The following MSH3 variants were observed in gnomAD, a reference collection of about 807,000 sequenced individuals.
MSH3 encodes the protein mutS homolog 3, also known as DNA mismatch repair protein Msh3.
A neutral mutation model predicts 123.3 loss-of-function variants in MSH3; 106 were observed. The ratio of observed to expected loss-of-function variants is 0.86; its 90% CI spans 0.73 to 1.01. The LOEUF is 1.01. Ranked by LOEUF, MSH3 falls within the 50% of genes least tolerant of loss-of-function variation. MSH3 has a pLI of 0.00. For synonymous variants in MSH3, 515 were observed against 481.4 expected (o/e 1.07, Z -0.91); for missense variants, 1,459 against 1,347.6 (o/e 1.08, Z -1.29).
intron 20 of MSH3, among the ~76,000 whole-genome samples, chr5:80,851,324 G>C (rs148152826): frequency 1.3e-5 from 2 of 151,904 alleles, no homozygotes; most frequent in Non-Finnish European, 2.9e-5. Flanking sequence ...CCCTTTCCCC[G>C]CAGCACTCTT....
chr5:80,802,807 A>G (rs550932060), intron 19 of MSH3, among the ~76,000 whole-genome samples: 7 of 152,322 alleles, frequency 4.6e-5, no homozygotes, highest in Non-Finnish European at 1.0e-4. Context: ...TCCCACAAAG[A>G]AGTGAGAACA....
At chr5:80,864,631 G>A (rs1382867884) in intron 21 of MSH3, among the ~76,000 whole-genome samples, 182 bp from the exon 22 acceptor site, 1 of 152,070 alleles carries the variant, frequency 6.6e-6, no homozygotes, top group African/African-American at 2.4e-5. Context: ...GGAAGAAGAA[G>A]GGAAATATGG....
At chr5:80,655,071 A>G in intron 1 of MSH3, 107 bp downstream of exon 1, 1 of 640,278 alleles carries the variant, frequency 1.6e-6, no homozygotes, top group South Asian at 2.4e-5. Context: ...GGGCTGGAGG[A>G]GGAAGGGGCG....
chr5:80,778,960 T>C (rs1237779999), intron 17 of MSH3, 124 bp downstream of exon 17: 20 of 645,306 alleles, frequency 3.1e-5, no homozygotes, highest in Non-Finnish European at 4.9e-5. Flanking sequence ...GTTGAGTACA[T>C]GTGTTCTCTG....
At chr5:80,728,801 G>T (rs2112857740) in intron 9 of MSH3, 50 bp from the exon 10 acceptor site, 2 of 989,712 alleles carry the variant, frequency 2.0e-6, no homozygotes, top group South Asian at 2.8e-5. Context: ...TTTTTAATTT[G>T]ATTAATTTAA....
chr5:80,842,592 G>A lies in MSH3; in HGVS notation c.2814-11538G>A, dbSNP rs930727139. 2.4e-4 allele frequency among the ~76,000 whole-genome samples: 37 copies of A among 152,036 alleles called. 1 individual carries two copies. The highest frequency in any genetic ancestry group is 1.3e-4 in the Admixed American group (2 of 15,278). On this transcript the variant is annotated intron_variant, in intron 20 of 23. Coordinates refer to ENST00000265081, the MANE Select transcript of MSH3 (RefSeq NM_002439.5). ...GTCCTCTTTTATTTCGTTGAGCAGC[G>A]GTTTGTAGTTCTCCTTGAAGAGGTC... is the stretch of plus-strand genomic sequence containing the variant.
intron 6 of MSH3, 44 bp downstream of exon 6, chr5:80,672,902 G>A (rs1384886501): frequency 7.0e-7 from 1 of 1,418,812 alleles, no homozygotes; most frequent in Non-Finnish European, 1.0e-6. Context: ...TGATACAAGG[G>A]CTTTGTTGGC....
chr5:80,730,178 A>G (rs575684673), intron 10 of MSH3, among the ~76,000 whole-genome samples: 205 of 152,348 alleles, frequency 1.3e-3, no homozygotes, highest in African/African-American at 4.7e-3. Context: ...AATGTTATAT[A>G]GCAGTGAAAA....
At chr5:80,699,186 T>A (rs1750551299) in intron 8 of MSH3, among the ~76,000 whole-genome samples, 1 of 152,198 alleles carries the variant, frequency 6.6e-6, no homozygotes, top group Non-Finnish European at 1.5e-5. Context: ...AAATAAGTGA[T>A]GTTTAGAATA....
At chr5:80,690,353 A>C (rs1325410475) in intron 8 of MSH3, among the ~76,000 whole-genome samples, 1 of 151,836 alleles carries the variant, frequency 6.6e-6, no homozygotes, top group Non-Finnish European at 1.5e-5. Flanking sequence ...TGTCACCCAG[A>C]CTGGAGTGCA....
At chr5:80,729,460 G>GTGTGTGTGTA (rs1277559108) in intron 10 of MSH3, among the ~76,000 whole-genome samples, 519 of 94,988 alleles carry the variant, frequency 5.5e-3, no homozygotes, top group Non-Finnish European at 7.4e-3. Flanking sequence ...GTGTGTGTGT[G>GTGTGTGTGTA]TATATATATA....
chr5:80,835,842 G>C (rs1174459773), intron 20 of MSH3, among the ~76,000 whole-genome samples: 1 of 152,036 alleles, frequency 6.6e-6, no homozygotes, highest in African/African-American at 2.4e-5. Flanking sequence ...TTGAACCCTG[G>C]AGGTAGAGGT....
chr5:80,755,233 G>T (rs922858545), intron 12 of MSH3, among the ~76,000 whole-genome samples: 2 of 152,184 alleles, frequency 1.3e-5, no homozygotes, highest in African/African-American at 4.8e-5. Context: ...CTTACTGTTT[G>T]TCCCGACTGT....
chr5:80,852,278 T>G (rs1489874931), intron 20 of MSH3, among the ~76,000 whole-genome samples: 1 of 152,160 alleles, frequency 6.6e-6, no homozygotes, highest in East Asian at 1.9e-4. Context: ...TGAGCTGTTA[T>G]CACTGCCACT....
chr5:80,859,163 C>A (rs1223277908), intron 21 of MSH3, among the ~76,000 whole-genome samples: 1 of 152,078 alleles, frequency 6.6e-6, no homozygotes, highest in African/African-American at 2.4e-5. Context: ...CTCTGTCACC[C>A]AGGCTGGAGT....
At chr5:80,762,825 G>GTTATGTTATTTTATGTTATT (rs1554072043) in intron 13 of MSH3, among the ~76,000 whole-genome samples, 25 of 140,508 alleles carry the variant, frequency 1.8e-4, no homozygotes, top group South Asian at 1.4e-3. Context: ...GTTATGTTAT[G>GTTATGTTATTTTATGTTATT]TTATGTTATT....
chr5:80,809,265 C>A (rs1483479751), intron 19 of MSH3, among the ~76,000 whole-genome samples: 1 of 151,976 alleles, frequency 6.6e-6, no homozygotes, highest in Non-Finnish European at 1.5e-5. Flanking sequence ...ATGGCTAAGC[C>A]AGAAATGGAA....
chr5:80,709,569 CTGAGATCACG>C (rs1206831589), intron 8 of MSH3, among the ~76,000 whole-genome samples: 1 of 152,172 alleles, frequency 6.6e-6, no homozygotes, highest in African/African-American at 2.4e-5. Context: ...TTGCAGTGAG[CTGAGATCACG>C]TGAGATCGCG....
intron 8 of MSH3, among the ~76,000 whole-genome samples, chr5:80,705,866 C>T (rs1750712269): frequency 6.6e-6 from 1 of 152,282 alleles, no homozygotes; most frequent in South Asian, 2.1e-4. Context: ...GATGGCCTCA[C>T]TTTAACTCTC....
Sources: allele counts gnomAD v4.1 joint callset (sites outside exome capture counted in the v4.1 genomes callset), GRCh38; gene constraint gnomAD v4.1.1; transcripts MANE v1.5; gene names NCBI Gene and HGNC (gene_info 2026-07-23, HGNC 2026-07-21).